CD8B2: variants seen among roughly 807,000 people sequenced by gnomAD.
The protein encoded by CD8B2 is T-cell surface glycoprotein CD8 beta-2 chain.
In CD8B2, 11 loss-of-function variants were observed where a neutral mutation model predicts 23.7. The ratio of observed to expected loss-of-function variants is 0.46; its 90% CI spans 0.29 to 0.77. The LOEUF is 0.77. Ranked by LOEUF, CD8B2 falls within the 30% of genes least tolerant of loss-of-function variation. The pLI, the probability that CD8B2 is intolerant of heterozygous loss-of-function variation, is 0.09. For synonymous variants in CD8B2, 90 were observed against 109.3 expected, an observed-to-expected ratio of 0.82 and a Z score of 1.10; for missense variants, 197 against 270.5, an observed-to-expected ratio of 0.73 and a Z score of 1.91.
At chr2:106,528,280 A>G (rs1184378918) in intron 5 of CD8B2, among the ~76,000 whole-genome samples, 1 of 152,172 alleles carries the variant, frequency 6.6e-6, no homozygotes. Flanking sequence ...TTGTGATTTT[A>G]GTATCATATT....
At chr2:106,529,485 TGA>T (rs1317054152) in intron 5 of CD8B2, among the ~76,000 whole-genome samples, 1 of 152,220 alleles carries the variant, frequency 6.6e-6, no homozygotes, top group East Asian at 1.9e-4. Flanking sequence ...CAGCCAGCTG[TGA>T]GAGAGGATGT....
At position 106,489,294 on chromosome 2, in the gene CD8B2, C is replaced by T. The variant is rs1332312120; in HGVS notation, c.44-1580C>T. ...CTGGGATTACAAACATGAGCCACCA[C>T]ACCCGGCCCCATCATTTCATTCTTG... is the stretch of plus-strand genomic sequence containing the variant. On this transcript the variant is annotated intron_variant, in intron 1 of 5. Coordinates refer to ENST00000643224, the MANE Select transcript of CD8B2 (RefSeq NM_001349727.2). Among the ~76,000 whole-genome samples, 4 of 151,992 alleles carry T rather than the reference C, an allele frequency of 2.6e-5. No homozygotes were observed. In the South Asian group the frequency reaches 6.2e-4, roughly 24 times the overall value.
chr2:106,517,925 A>G (rs1279996202), intron 5 of CD8B2, among the ~76,000 whole-genome samples: 1 of 152,096 alleles, frequency 6.6e-6, no homozygotes, highest in Non-Finnish European at 1.5e-5. Flanking sequence ...CGTGTTAGCC[A>G]GGATGGTCTC....
intron 2 of CD8B2, among the ~76,000 whole-genome samples, chr2:106,492,174 T>C (rs1455244496): frequency 1.3e-5 from 2 of 151,876 alleles, no homozygotes. Flanking sequence ...TGGGCCTCAG[T>C]GTTCTCTTCT....
At chr2:106,534,457 T>G (rs1284795679) in intron 5 of CD8B2, among the ~76,000 whole-genome samples, 2 of 152,228 alleles carry the variant, frequency 1.3e-5, no homozygotes, top group African/African-American at 2.4e-5. Context: ...TGAAGGTGAC[T>G]CCATAGAATT....
intron 5 of CD8B2, chr2:106,521,900 C>G (rs1215097043): frequency 6.6e-6 from 1 of 152,302 alleles, no homozygotes; most frequent in African/African-American, 2.4e-5. Context: ...GGTGTCTGGG[C>G]CAACCATGGA....
At chr2:106,499,494 T>G (rs1679360891) in intron 3 of CD8B2, among the ~76,000 whole-genome samples, 1 of 148,542 alleles carries the variant, frequency 6.7e-6, no homozygotes. Flanking sequence ...ATCACGCCAT[T>G]GCACTTCAGC....
chr2:106,496,342 C>A, intron 3 of CD8B2, 80 bp downstream of exon 3: 1 of 1,396,034 alleles, frequency 7.2e-7, no homozygotes. Context: ...CTTCCTTCCC[C>A]AGGCACTTTC....
downstream of CD8B2, among the ~76,000 whole-genome samples, chr2:106,512,845 T>C (rs184452926): frequency 8.5e-5 from 13 of 152,196 alleles, no homozygotes; most frequent in African/African-American, 3.1e-4. Context: ...ATGGCCAGGA[T>C]AGACATAGTT....
intron 5 of CD8B2, among the ~76,000 whole-genome samples, chr2:106,542,862 T>A (rs1254960760): frequency 1.3e-5 from 2 of 152,180 alleles, no homozygotes; most frequent in East Asian, 3.9e-4. Flanking sequence ...AGCCCCGGCT[T>A]ATCAACTGAG....
intron 5 of CD8B2, among the ~76,000 whole-genome samples, chr2:106,522,747 T>C (rs1484738510): frequency 1.3e-5 from 2 of 152,196 alleles, no homozygotes; most frequent in Non-Finnish European, 2.9e-5. Context: ...AATGAACCAA[T>C]TTCCATCCCT....
At chr2:106,516,131 G>A (rs1479097542) in intron 5 of CD8B2, among the ~76,000 whole-genome samples, 2 of 152,034 alleles carry the variant, frequency 1.3e-5, no homozygotes, top group Non-Finnish European at 2.9e-5. Context: ...CACTGGGCCT[G>A]GACTCCTTTT....
At chr2:106,533,128 G>A (rs1415708996) in intron 5 of CD8B2, among the ~76,000 whole-genome samples, 1 of 152,208 alleles carries the variant, frequency 6.6e-6, no homozygotes, top group Admixed American at 6.5e-5. Context: ...CATGCTGGGG[G>A]TCGAGGCAAC....
At chr2:106,501,385 A>C (rs1157512522) in intron 3 of CD8B2, among the ~76,000 whole-genome samples, 1 of 152,118 alleles carries the variant, frequency 6.6e-6, no homozygotes, top group Non-Finnish European at 1.5e-5. Context: ...ATTTTTTAAA[A>C]CTATATGTAT....
chr2:106,527,787 ACAAAC>A, intron 5 of CD8B2, among the ~76,000 whole-genome samples: 1 of 128,708 alleles, frequency 7.8e-6, no homozygotes, highest in East Asian at 2.3e-4. Flanking sequence ...TGTCTCAAAA[ACAAAC>A]CAAAACAAAA....
chr2:106,507,445 G>C lies in CD8B2; in HGVS notation c.*505G>C. 1 of 985,916 alleles carries C rather than the reference G, an allele frequency of 1.0e-6. No homozygotes were observed. The allele number at this position is 985,916 out of a possible 1,614,324, so 61.1% of individuals were successfully genotyped here. ...GAGGCTTGCTGAGAGGGGCTGTCCAGTTCCCAGAAGCCATGTCAGTCTCTG... is the reference window on the plus strand; with the variant it reads ...GAGGCTTGCTGAGAGGGGCTGTCCACTTCCCAGAAGCCATGTCAGTCTCTG... On this transcript the variant is annotated 3_prime_UTR_variant, in exon 6 of 6. Transcript: ENST00000643224.
intron 3 of CD8B2, among the ~76,000 whole-genome samples, chr2:106,497,927 C>T (rs373904583): frequency 3.3e-4 from 50 of 152,196 alleles, no homozygotes; most frequent in African/African-American, 1.1e-3. Context: ...TCAGTTTAAA[C>T]AAAGGGAAGA....
chr2:106,513,429 T>C (rs1679674933), downstream of CD8B2, among the ~76,000 whole-genome samples: 1 of 151,988 alleles, frequency 6.6e-6, no homozygotes. Context: ...ACCCGGGTGA[T>C]GCCAACACAA....
intron 3 of CD8B2, among the ~76,000 whole-genome samples, chr2:106,498,687 CT>C (rs1400622894): frequency 2.0e-5 from 3 of 152,100 alleles, no homozygotes; most frequent in African/African-American, 7.2e-5. Context: ...ACTGCCTGTA[CT>C]ATGAGACACT....
Sources: allele counts gnomAD v4.1 joint callset (sites outside exome capture counted in the v4.1 genomes callset), GRCh38; gene constraint gnomAD v4.1.1; transcripts MANE v1.5; gene names NCBI Gene and HGNC (gene_info 2026-07-23, HGNC 2026-07-21).